The following PLCB1 variants were observed in gnomAD, a reference collection of about 807,000 sequenced individuals.
PLCB1 encodes the protein 1-phosphatidylinositol 4,5-bisphosphate phosphodiesterase beta-1.
PLCB1 carries 46 observed loss-of-function variants against 161.8 expected under a neutral mutation model. The observed-to-expected ratio is 0.28, with a 90% confidence interval of 0.22 to 0.36. The LOEUF is 0.36. Among genes scored for constraint, PLCB1 ranks in the 10% least tolerant of loss-of-function variants. The pLI, the probability that PLCB1 is intolerant of heterozygous loss-of-function variation, is 1.00. For missense variants in PLCB1, 1,016 were observed against 1,472.5 expected (o/e 0.69, Z 5.07); for synonymous variants, 517 against 503.7 (o/e 1.03, Z -0.35).
intron 3 of PLCB1, among the ~76,000 whole-genome samples, chr20:8,519,066 C>A (rs948292370): frequency 2.0e-5 from 3 of 152,228 alleles, no homozygotes; most frequent in African/African-American, 2.4e-5. Flanking sequence ...TGCTTGCCTG[C>A]TGCTCACCTC....
intron 31 of PLCB1, among the ~76,000 whole-genome samples, chr20:8,825,188 C>G (rs987808000): frequency 6.6e-6 from 1 of 151,952 alleles, no homozygotes; most frequent in South Asian, 2.1e-4. Context: ...TGAAATTTAC[C>G]CCCCCAAAAA....
intron 3 of PLCB1, among the ~76,000 whole-genome samples, chr20:8,566,732 C>G (rs1052362203): frequency 6.6e-6 from 1 of 151,718 alleles, no homozygotes; most frequent in Admixed American, 6.6e-5. Flanking sequence ...ATAGTACTTA[C>G]AGGTGGTGAA....
chr20:8,804,761 G>A (rs2146243628), intron 31 of PLCB1, among the ~76,000 whole-genome samples: 1 of 152,118 alleles, frequency 6.6e-6, no homozygotes, highest in East Asian at 1.9e-4. Flanking sequence ...AGGCCGAGGT[G>A]GATGGATCAC....
intron 2 of PLCB1, among the ~76,000 whole-genome samples, chr20:8,245,289 T>C (rs1049774471): frequency 1.3e-5 from 2 of 151,876 alleles, no homozygotes; most frequent in African/African-American, 2.4e-5. Context: ...ACTTATCACA[T>C]AAATATGTGT....
rs139330596 is a variant in PLCB1 at position 8,823,717 on chromosome 20, T to A, written c.3423+33456T>A. 4.0e-4 allele frequency among the ~76,000 whole-genome samples: 61 copies of A among 152,334 alleles called. 1 individual carries two copies. The highest frequency in any genetic ancestry group is 1.4e-3 in the African/African-American group (57 of 41,574). On this transcript the variant is annotated intron_variant, in intron 31 of 31. Transcript: ENST00000338037. ...CTTTGTTTCTATGGAATGCTCTGAT[T>A]CAATTTATATCCCTTTGATTTATAT...
intron 3 of PLCB1, among the ~76,000 whole-genome samples, chr20:8,455,633 G>C (rs7270041): frequency 0.09 from 13,699 of 151,464 alleles, 868 homozygotes; most frequent in Non-Finnish European, 0.14. Context: ...GTAGAGACAG[G>C]GTTTCACCAT....
At chr20:8,508,339 A>G (rs966647021) in intron 3 of PLCB1, among the ~76,000 whole-genome samples, 1 of 152,174 alleles carries the variant, frequency 6.6e-6, no homozygotes. Flanking sequence ...CTGGGGCTGA[A>G]CTTCTTCCTA....
intron 13 of PLCB1, 97 bp downstream of exon 13, chr20:8,716,445 G>A: frequency 2.2e-6 from 2 of 908,010 alleles, no homozygotes; most frequent in South Asian, 2.9e-5. Flanking sequence ...TATGTTTCTT[G>A]GTAAGATTAA....
intron 2 of PLCB1, among the ~76,000 whole-genome samples, chr20:8,232,129 C>G (rs1354585059): frequency 6.6e-6 from 1 of 151,900 alleles, no homozygotes; most frequent in African/African-American, 2.4e-5. Flanking sequence ...ATTGCTTGAG[C>G]CCAGGAGTTC....
At chr20:8,609,882 CT>C (rs1464663991) in intron 3 of PLCB1, among the ~76,000 whole-genome samples, 1 of 152,154 alleles carries the variant, frequency 6.6e-6, no homozygotes, top group Non-Finnish European at 1.5e-5. Flanking sequence ...TGCACAGGTA[CT>C]TTAGGGTGAA....
At chr20:8,629,450 C>T (rs1988459313) in intron 4 of PLCB1, among the ~76,000 whole-genome samples, 1 of 152,104 alleles carries the variant, frequency 6.6e-6, no homozygotes, top group East Asian at 1.9e-4. Context: ...AAGTGCAATG[C>T]TTTCTCTAGA....
At chr20:8,432,713 A>G (rs532235740) in intron 3 of PLCB1, among the ~76,000 whole-genome samples, 70 of 152,344 alleles carry the variant, frequency 4.6e-4, no homozygotes, top group Middle Eastern at 6.8e-3. Flanking sequence ...AGCGACAGAA[A>G]CTTAGAAGTG....
chr20:8,304,027 A>G (rs1235069080), intron 2 of PLCB1, among the ~76,000 whole-genome samples: 1 of 152,182 alleles, frequency 6.6e-6, no homozygotes, highest in Non-Finnish European at 1.5e-5. Context: ...ATCATCTCAG[A>G]CTAAGAAGTG....
chr20:8,160,954 G>A (rs549048399), intron 2 of PLCB1, among the ~76,000 whole-genome samples: 8 of 152,010 alleles, frequency 5.3e-5, no homozygotes, highest in South Asian at 4.1e-4. Flanking sequence ...TTATTAGGAC[G>A]TTGGTACCTA....
At chr20:8,869,579 G>A (rs1369883538) in intron 31 of PLCB1, among the ~76,000 whole-genome samples, 1 of 152,154 alleles carries the variant, frequency 6.6e-6, no homozygotes, top group Non-Finnish European at 1.5e-5. Context: ...TCATGTCAAG[G>A]CCACAGAACT....
At chr20:8,459,189 C>T (rs1981459770) in intron 3 of PLCB1, among the ~76,000 whole-genome samples, 1 of 152,162 alleles carries the variant, frequency 6.6e-6, no homozygotes, top group Non-Finnish European at 1.5e-5. Context: ...TCTGTCTACT[C>T]ATCTCCGAGG....
At chr20:8,793,643 G>T (rs1183070313) in intron 31 of PLCB1, among the ~76,000 whole-genome samples, 1 of 152,124 alleles carries the variant, frequency 6.6e-6, no homozygotes, top group East Asian at 1.9e-4. Context: ...ACTTAACAGG[G>T]TAATAGAATA....
chr20:8,278,995 CAG>C (rs1982739411), intron 2 of PLCB1, among the ~76,000 whole-genome samples: 1 of 146,482 alleles, frequency 6.8e-6, no homozygotes, highest in Non-Finnish European at 1.5e-5. Context: ...AAAAACAAAA[CAG>C]AAAATAGCAA....
chr20:8,834,312 A>G (rs981035043), intron 31 of PLCB1, among the ~76,000 whole-genome samples: 16 of 152,300 alleles, frequency 1.1e-4, no homozygotes, highest in Middle Eastern at 3.4e-3. Flanking sequence ...TAATAGGATG[A>G]TTATGGAAGA....
Sources: allele counts gnomAD v4.1 joint callset (sites outside exome capture counted in the v4.1 genomes callset), GRCh38; gene constraint gnomAD v4.1.1; transcripts MANE v1.5; gene names NCBI Gene and HGNC (gene_info 2026-07-23, HGNC 2026-07-21).